The following LRP1B variants were observed in gnomAD, a reference collection of about 807,000 sequenced individuals.
The protein encoded by LRP1B is low-density lipoprotein receptor-related protein 1B.
Under a neutral mutation model 556.6 loss-of-function variants are expected in LRP1B, and 217 were observed. That is an observed-to-expected ratio of 0.39 (90% CI 0.35 to 0.44). The LOEUF (loss-of-function observed/expected upper bound fraction) is 0.44. LRP1B is among the 20% of genes least tolerant of loss of function. The pLI, the probability that LRP1B is intolerant of heterozygous loss-of-function variation, is 1.00. For synonymous variants in LRP1B, 2,047 were observed against 1,865.8 expected (o/e 1.10, Z -2.50); for missense variants, 5,053 against 5,620.8 (o/e 0.90, Z 3.23).
chr2:141,073,189 C>T (rs1376661090), intron 7 of LRP1B, among the ~76,000 whole-genome samples: 1 of 152,106 alleles, frequency 6.6e-6, no homozygotes, highest in South Asian at 2.1e-4. Flanking sequence ...TCCCCTTACG[C>T]ACACTTCCTG....
intron 4 of LRP1B, among the ~76,000 whole-genome samples, chr2:141,249,065 G>C (rs775865744): frequency 1.3e-5 from 2 of 152,284 alleles, no homozygotes; most frequent in Non-Finnish European, 2.9e-5. Context: ...TGATTTCACT[G>C]TGTTAAATTT....
chr2:140,350,977 T>C lies in LRP1B; in HGVS notation c.11712A>G (p.Pro3904=). 1 of 1,607,254 alleles carries C rather than the reference T, an allele frequency of 6.2e-7. No individual in the cohort carries two copies. The highest frequency in any genetic ancestry group is 8.5e-7 in the Non-Finnish European group (1 of 1,174,516). Residue 3904 remains proline, a synonymous_variant, in exon 77 of 91, where the codon CCA becomes CCG. Coordinates refer to ENST00000389484, the MANE Select transcript of LRP1B (RefSeq NM_018557.3). ...GTTGATGATCGCCACTGTAGTTGAA[T>C]GGATATATAAAACCCAGGATATCAG... ...NDTDILGFIY[P]FNYSGDHQQI...
At position 140,831,551 on chromosome 2, in the gene LRP1B, T is replaced by C. The variant is rs906694419; in HGVS notation, c.5209+8440A>G. On this transcript the variant is annotated intron_variant, in intron 31 of 90. Transcript: ENST00000389484. ...AATGAATCAAAGCTTGAATCTAAGA[T>C]GTAAAACTATTAAACTACTGAAAGA... Among the ~76,000 whole-genome samples, 2 of 152,124 alleles carry C rather than the reference T, an allele frequency of 1.3e-5. 1 individual carries two copies. The highest frequency in any genetic ancestry group is 2.9e-5 in the Non-Finnish European group (2 of 67,970).
At chr2:141,617,492 TGTG>T (rs916210926) in intron 2 of LRP1B, among the ~76,000 whole-genome samples, 2 of 152,192 alleles carry the variant, frequency 1.3e-5, no homozygotes, top group Non-Finnish European at 2.9e-5. Flanking sequence ...CAGAGATCAA[TGTG>T]GTGATTTTTA....
intron 1 of LRP1B, among the ~76,000 whole-genome samples, chr2:142,034,559 T>C (rs1336197498): frequency 1.3e-5 from 2 of 151,656 alleles, no homozygotes; most frequent in Non-Finnish European, 2.9e-5. Flanking sequence ...TTTTGGAGAG[T>C]AGTATTTACT....
chr2:141,545,519 C>T lies in LRP1B; in HGVS notation c.206-64986G>A, dbSNP rs570790046. Among the ~76,000 whole-genome samples the T allele has an allele frequency of 6.8e-4, 104 of 152,196 alleles. No homozygotes were observed. In the South Asian group the frequency reaches 0.021, roughly 30 times the overall value. On this transcript the variant is annotated intron_variant, in intron 2 of 90. Transcript: ENST00000389484. ...TGAAAAGATAATTCTGGATTATCCA[C>T]GTGGGCCCAGTTCAATCACATGAGT... is the stretch of plus-strand genomic sequence containing the variant.
At chr2:141,870,411 A>C (rs1055812410) in intron 1 of LRP1B, among the ~76,000 whole-genome samples, 1 of 151,942 alleles carries the variant, frequency 6.6e-6, no homozygotes, top group Non-Finnish European at 1.5e-5. Context: ...ATGGTTAAGG[A>C]AACACTAGTC....
Position 140,996,786 on chromosome 2 carries a change from AAAAAGAT to A in LRP1B, c.2504-2658_2504-2652del, listed in dbSNP as rs1256679201. Among the ~76,000 whole-genome samples the A allele has an allele frequency of 7.9e-5, 12 of 152,012 alleles. No individual in the cohort carries two copies. The Admixed American group carries it at 7.9e-4, about 10-fold the overall frequency. Reference sequence around the variant, plus strand: ...AGACAAAAAGATAAAAGACAAAGACAAAAAGATAAAAGATAAAGACAAAGGGATATGT... The same window carrying A: ...AGACAAAAAGATAAAAGACAAAGACAAAAAGATAAAGACAAAGGGATATGT... On this transcript the variant is annotated intron_variant, in intron 15 of 90. Coordinates refer to ENST00000389484, the MANE Select transcript of LRP1B (RefSeq NM_018557.3).
chr2:141,816,690 TA>T (rs1400120310), intron 1 of LRP1B, among the ~76,000 whole-genome samples: 1 of 152,178 alleles, frequency 6.6e-6, no homozygotes, highest in Non-Finnish European at 1.5e-5. Flanking sequence ...TGTATCCTAC[TA>T]GTTCTGTCCC....
At chr2:142,001,023 TG>T in intron 1 of LRP1B, among the ~76,000 whole-genome samples, 1 of 152,302 alleles carries the variant, frequency 6.6e-6, no homozygotes, top group Non-Finnish European at 1.5e-5. Flanking sequence ...GTAAGTTTCA[TG>T]AAATCTGATG....
At chr2:140,711,091 A>G (rs867444140) in intron 37 of LRP1B, among the ~76,000 whole-genome samples, 1 of 152,234 alleles carries the variant, frequency 6.6e-6, no homozygotes, top group African/African-American at 2.4e-5. Context: ...ATAAAAGTAG[A>G]GAAGTCGTTT....
intron 2 of LRP1B, among the ~76,000 whole-genome samples, chr2:141,660,073 T>G (rs1690155287): frequency 6.6e-6 from 1 of 151,420 alleles, no homozygotes; most frequent in South Asian, 2.1e-4. Context: ...AGTCGGAGTC[T>G]CCCACCAAGA....
intron 43 of LRP1B, among the ~76,000 whole-genome samples, chr2:140,548,122 T>C (rs1680415309): frequency 6.6e-6 from 1 of 152,166 alleles, no homozygotes; most frequent in Admixed American, 6.6e-5. Context: ...TAGTATTCAT[T>C]TAATTCTTAA....
chr2:140,931,408 A>G (rs1381931271), intron 20 of LRP1B, among the ~76,000 whole-genome samples: 1 of 152,114 alleles, frequency 6.6e-6, no homozygotes, highest in Admixed American at 6.6e-5. Flanking sequence ...CTCTGAGATT[A>G]TCCTGATAAG....
chr2:140,457,642 T>C lies in LRP1B; in HGVS notation c.9635A>G (p.Gln3212Arg), dbSNP rs1687156357. The C allele has an allele frequency of 6.2e-7, 1 of 1,612,686 alleles. No individual in the cohort carries two copies. Among genetic ancestry groups the C allele is most frequent in the Non-Finnish European group, 8.5e-7 (1 of 1,178,820 alleles). The change falls in exon 61 of 91, where the codon CAA (glutamine) becomes CGA (arginine). Residue 3212 changes from glutamine to arginine, a missense_variant. Transcript: ENST00000389484. ...TAGTGCAATCACCCCTGGAATATCTTGATTAGGGACTGTAATAGGAGATGG... is the reference window on the plus strand; with the variant it reads ...TAGTGCAATCACCCCTGGAATATCTCGATTAGGGACTGTAATAGGAGATGG... Reference protein sequence around the residue: ...DGSHRHKVPNQDIPGVIALTL... With the variant: ...DGSHRHKVPNRDIPGVIALTL...
intron 2 of LRP1B, among the ~76,000 whole-genome samples, chr2:141,542,180 T>C (rs1250122971): frequency 3.9e-5 from 6 of 152,064 alleles, no homozygotes; most frequent in Non-Finnish European, 5.9e-5. Flanking sequence ...GCTTTGCAGA[T>C]TGAACAAGTT....
intron 37 of LRP1B, among the ~76,000 whole-genome samples, chr2:140,707,471 A>C (rs1295320633): frequency 6.6e-6 from 1 of 152,176 alleles, no homozygotes; most frequent in Non-Finnish European, 1.5e-5. Context: ...ACATGAGCAT[A>C]AGCTTTTAAC....
At chr2:140,360,042 G>C (rs1682434682) in intron 72 of LRP1B, among the ~76,000 whole-genome samples, 1 of 151,530 alleles carries the variant, frequency 6.6e-6, no homozygotes, top group African/African-American at 2.4e-5. Context: ...TTTACAGAGA[G>C]ATATCCTAAA....
chr2:140,383,157 C>T (rs185927970), intron 67 of LRP1B, among the ~76,000 whole-genome samples: 83 of 152,248 alleles, frequency 5.5e-4, no homozygotes, highest in African/African-American at 1.9e-3. Flanking sequence ...ATTTATATGT[C>T]TGTGATATGT....
Sources: gnomAD v4.1 joint callset for allele counts (sites outside exome capture counted in the v4.1 genomes callset) on GRCh38, gnomAD v4.1.1 for gene constraint, MANE v1.5 for transcripts, NCBI Gene and HGNC (gene_info 2026-07-23, HGNC 2026-07-21) for gene names.